Variants in HS6ST3 observed in about 807,000 individuals in gnomAD.
The protein encoded by HS6ST3 is heparan-sulfate 6-O-sulfotransferase 3.
In HS6ST3, 12 loss-of-function variants were observed where a neutral mutation model predicts 36.7. The ratio of observed to expected loss-of-function variants is 0.33; its 90% CI spans 0.21 to 0.53. The LOEUF is 0.53. HS6ST3 is among the 20% of genes least tolerant of loss of function. The pLI is 0.95. For missense variants in HS6ST3, 584 were observed against 640.9 expected, an observed-to-expected ratio of 0.91 and a Z score of 0.96; for synonymous variants, 240 against 257.5, an observed-to-expected ratio of 0.93 and a Z score of 0.65.
chr13:96,649,064 T>C (rs1458768235), intron 1 of HS6ST3, among the ~76,000 whole-genome samples: 1 of 152,020 alleles, frequency 6.6e-6, no homozygotes, highest in Admixed American at 6.6e-5. Flanking sequence ...TCTGGACTCC[T>C]GATTTTCCCC....
intron 1 of HS6ST3, among the ~76,000 whole-genome samples, chr13:96,682,110 C>A (rs2056720552): frequency 6.6e-6 from 1 of 152,064 alleles, no homozygotes; most frequent in African/African-American, 2.4e-5. Context: ...CATAAACTTA[C>A]TAATTATTTT....
chr13:96,658,296 T>TTTTTTTTTTTTTTTTTTTTTTTTTTTC lies in HS6ST3; in HGVS notation c.708-174192_708-174191insTTTTTTTTTTTTTTTTTTTTTTTTCTT, dbSNP rs1467303957. Among the ~76,000 whole-genome samples, 15 of 87,440 alleles carry TTTTTTTTTTTTTTTTTTTTTTTTTTTC rather than the reference T, an allele frequency of 1.7e-4. 1 individual carries two copies. Among genetic ancestry groups the TTTTTTTTTTTTTTTTTTTTTTTTTTTC allele is most frequent in the Middle Eastern group, 6.1e-3 (1 of 164 alleles). The allele number at this position is 87,440 out of a possible 152,430, so 57.4% of individuals were successfully genotyped here. A position where few individuals can be genotyped will look rare whatever the true frequency, so the allele number is the denominator to read the frequency against. ...TTTTTTTTTTTTTTTTTTTTTTTTTTTTGAGATGGCGTCTCACTCTGTTAC... is the reference window on the plus strand; with the variant it reads ...TTTTTTTTTTTTTTTTTTTTTTTTTTTTTTTTTTTTTTTTTTTTTTTTTTTTCTTGAGATGGCGTCTCACTCTGTTAC... On this transcript the variant is annotated intron_variant, in intron 1 of 1. Coordinates refer to ENST00000376705, the MANE Select transcript of HS6ST3 (RefSeq NM_153456.4).
chr13:96,230,067 G>T (rs2054500469), intron 1 of HS6ST3, among the ~76,000 whole-genome samples: 1 of 152,178 alleles, frequency 6.6e-6, no homozygotes, highest in African/African-American at 2.4e-5. Flanking sequence ...ATTGGCAGAA[G>T]ATGAGTCTAA....
intron 1 of HS6ST3, among the ~76,000 whole-genome samples, chr13:96,140,936 T>A (rs1370091453): frequency 6.6e-6 from 1 of 152,168 alleles, no homozygotes; most frequent in Admixed American, 6.6e-5. Flanking sequence ...AGGTTTGGCT[T>A]AAAAAATGTC....
At chr13:96,432,395 C>T (rs577166665) in intron 1 of HS6ST3, among the ~76,000 whole-genome samples, 14 of 152,108 alleles carry the variant, frequency 9.2e-5, no homozygotes, top group Non-Finnish European at 1.9e-4. Context: ...TTTTAATTCT[C>T]TTATCCCATT....
At chr13:96,711,436 A>G (rs1034072184) in intron 1 of HS6ST3, among the ~76,000 whole-genome samples, 3 of 152,256 alleles carry the variant, frequency 2.0e-5, no homozygotes, top group Non-Finnish European at 4.4e-5. Flanking sequence ...AATAAGTAAC[A>G]TTTTAACATC....
At chr13:96,704,724 T>A (rs1875375257) in intron 1 of HS6ST3, among the ~76,000 whole-genome samples, 1 of 152,030 alleles carries the variant, frequency 6.6e-6, no homozygotes, top group South Asian at 2.1e-4. Context: ...GAACGCCAGG[T>A]GGCAGGGAGA....
chr13:96,616,883 T>C (rs1442579659), intron 1 of HS6ST3, among the ~76,000 whole-genome samples: 5 of 151,742 alleles, frequency 3.3e-5, no homozygotes, highest in Admixed American at 3.3e-4. Context: ...AAGGGCCTCA[T>C]AGGCTTCCAA....
chr13:96,270,945 T>G (rs2054716709), intron 1 of HS6ST3, among the ~76,000 whole-genome samples: 1 of 151,952 alleles, frequency 6.6e-6, no homozygotes, highest in African/African-American at 2.4e-5. Context: ...TCAACTCAAG[T>G]ACCGTTTCTT....
At chr13:96,259,960 T>C (rs764175470) in intron 1 of HS6ST3, among the ~76,000 whole-genome samples, 22 of 152,328 alleles carry the variant, frequency 1.4e-4, no homozygotes, top group Non-Finnish European at 2.9e-4. Context: ...TTTCATAAAA[T>C]ATTATTTTCT....
At chr13:96,732,268 G>A in intron 1 of HS6ST3, among the ~76,000 whole-genome samples, 1 of 152,026 alleles carries the variant, frequency 6.6e-6, no homozygotes, top group East Asian at 1.9e-4. Flanking sequence ...TTGCTATTGA[G>A]TTGTTTGAGT....
chr13:96,803,360 A>G (rs750367212), intron 1 of HS6ST3, among the ~76,000 whole-genome samples: 1 of 152,194 alleles, frequency 6.6e-6, no homozygotes, highest in Non-Finnish European at 1.5e-5. Flanking sequence ...GATTTGTACC[A>G]GTAAGTTAAG....
chr13:96,120,432 A>G (rs1162263359), intron 1 of HS6ST3, among the ~76,000 whole-genome samples: 1 of 152,244 alleles, frequency 6.6e-6, no homozygotes, highest in Non-Finnish European at 1.5e-5. Flanking sequence ...CAATATATTA[A>G]TAACTGAAGA....
At chr13:96,774,845 C>T (rs1480037434) in intron 1 of HS6ST3, among the ~76,000 whole-genome samples, 1 of 152,122 alleles carries the variant, frequency 6.6e-6, no homozygotes, top group African/African-American at 2.4e-5. Context: ...TAAAAAGATA[C>T]TCCTCAAGAA....
At chr13:96,189,747 G>C (rs1034881546) in intron 1 of HS6ST3, among the ~76,000 whole-genome samples, 1 of 152,170 alleles carries the variant, frequency 6.6e-6, no homozygotes, top group African/African-American at 2.4e-5. Flanking sequence ...CTGGAACCTA[G>C]ACTGAAAGGA....
chr13:96,501,139 A>C (rs1030711559), intron 1 of HS6ST3, among the ~76,000 whole-genome samples: 1 of 152,166 alleles, frequency 6.6e-6, no homozygotes, highest in African/African-American at 2.4e-5. Context: ...AAGATCTTAC[A>C]ACCCACATCT....
intron 1 of HS6ST3, among the ~76,000 whole-genome samples, chr13:96,529,118 G>A (rs969387084): frequency 6.6e-6 from 1 of 151,968 alleles, no homozygotes; most frequent in African/African-American, 2.4e-5. Context: ...AAAATATTTT[G>A]GGATTCTTCA....
At chr13:96,354,031 C>A (rs1450508887) in intron 1 of HS6ST3, among the ~76,000 whole-genome samples, 2 of 152,138 alleles carry the variant, frequency 1.3e-5, no homozygotes, top group Non-Finnish European at 2.9e-5. Flanking sequence ...ACTCTAAATG[C>A]ACTCTATCCC....
At chr13:96,748,334 AC>A (rs1876611902) in intron 1 of HS6ST3, among the ~76,000 whole-genome samples, 1 of 152,026 alleles carries the variant, frequency 6.6e-6, no homozygotes, top group African/African-American at 2.4e-5. Flanking sequence ...AGGCTTGTCT[AC>A]CCCTGTAATC....
Sources: allele counts gnomAD v4.1 joint callset (sites outside exome capture counted in the v4.1 genomes callset), GRCh38; gene constraint gnomAD v4.1.1; transcripts MANE v1.5; gene names NCBI Gene and HGNC (gene_info 2026-07-23, HGNC 2026-07-21).